Variants in FES observed in about 807,000 individuals in gnomAD.
FES encodes the protein FES proto-oncogene, tyrosine kinase, also known as tyrosine-protein kinase Fes/Fps.
Under a neutral mutation model 109.6 loss-of-function variants are expected in FES, and 83 were observed. That is an observed-to-expected ratio of 0.76 (90% confidence interval 0.63 to 0.91). The LOEUF (loss-of-function observed/expected upper bound fraction) is 0.91, where lower values mean the gene tolerates loss of function less well. FES is among the 40% of genes least tolerant of loss of function. FES has a pLI of 0.00. For missense variants in FES, 943 were observed against 1,070.9 expected (o/e 0.88, Z 1.67); for synonymous variants, 458 against 442.1 (o/e 1.04, Z -0.45).
chr15:90,894,179 G>A, intron 18 of FES, 121 bp downstream of exon 18: 2 of 1,217,848 alleles, frequency 1.6e-6, no homozygotes, highest in South Asian at 1.4e-5. Flanking sequence ...AACCTGGCCA[G>A]TTGCTCACGC....
At chr15:90,885,774 T>C (rs890974959) in intron 3 of FES, among the ~76,000 whole-genome samples, 189 bp downstream of exon 3, 2 of 152,196 alleles carry the variant, frequency 1.3e-5, no homozygotes, top group African/African-American at 4.8e-5. Context: ...CAGCAAGGCC[T>C]CTCTGTGCTT....
intron 18 of FES, among the ~76,000 whole-genome samples, chr15:90,894,564 GAC>G (rs1446837802): frequency 6.6e-6 from 1 of 152,016 alleles, no homozygotes; most frequent in Non-Finnish European, 1.5e-5. Flanking sequence ...CAGCCTGGGC[GAC>G]AAGAGTGAAA....
In FES at chr15:90,890,288, C is replaced by T. The variant is rs767270159; in HGVS notation, c.1236+10C>T. The T allele has an allele frequency of 1.3e-6, 2 of 1,587,948 alleles. No homozygotes were observed. Among genetic ancestry groups the T allele is most frequent in the African/African-American group, 2.7e-5 (2 of 74,618 alleles). On this transcript the variant is annotated intron_variant, in intron 9 of 18. Coordinates refer to ENST00000328850, the MANE Select transcript of FES (RefSeq NM_002005.4). ...CTCCACGTCGTCCTCGGTGAGCTGC[C>T]CCATCCGCGGCCGCTGCCCGCCACC...
At chr15:90,887,414 C>T (rs781261769) in intron 5 of FES, 44 bp downstream of exon 5, 10 of 1,549,914 alleles carry the variant, frequency 6.5e-6, no homozygotes, top group Non-Finnish European at 8.7e-6. Flanking sequence ...CTTGAGCAGC[C>T]CTAAGCCCAG....
At chr15:90,888,084 G>A (rs1408248791) in intron 5 of FES, among the ~76,000 whole-genome samples, 1 of 152,146 alleles carries the variant, frequency 6.6e-6, no homozygotes, top group African/African-American at 2.4e-5. Context: ...GGCATGATCT[G>A]ACCTCTGTTT....
Position 90,894,171 on chromosome 15 carries a change from C to A in FES, c.2326+113C>A, listed in dbSNP as rs1399720641. On this transcript the variant is annotated intron_variant, in intron 18 of 18. Transcript: ENST00000328850. ...TTCCCACCAGGCAGAATAAGAATAACCTGGCCAGTTGCTCACGCCTGTCAT... is the reference window on the plus strand; with the variant it reads ...TTCCCACCAGGCAGAATAAGAATAAACTGGCCAGTTGCTCACGCCTGTCAT... 3.9e-6 allele frequency: 5 copies of A among 1,297,700 alleles called. No individual in the cohort carries two copies. In the East Asian group the frequency reaches 6.9e-5, roughly 18 times the overall value. 80.4% of individuals were successfully genotyped at this position (1,297,700 alleles called of 1,614,324 possible). A position where few individuals can be genotyped will look rare whatever the true frequency, so the allele number is the denominator to read the frequency against.
In FES at chr15:90,893,777, C is replaced by G. The variant is rs764774064; in HGVS notation, c.2169C>G (p.Pro723=). 6 of 1,604,692 alleles carry G rather than the reference C, an allele frequency of 3.7e-6. No homozygotes were observed. Among genetic ancestry groups the G allele is most frequent in the South Asian group, 1.1e-5 (1 of 90,276 alleles). The stretch of plus-strand genomic sequence containing the variant: ...CCTCAGGGGGCCTCAGACAAGTCCC[C>G]GTGAAGTGGACCGCACCTGAGGCCC... ...YAASGGLRQV[P]VKWTAPEALN... The change falls in exon 17 of 19, where the codon CCC becomes CCG. Residue 723 remains proline (P), a synonymous_variant. Coordinates refer to ENST00000328850, the MANE Select transcript of FES (RefSeq NM_002005.4).
chr15:90,892,217 C>T (rs2033287455), intron 13 of FES, 106 bp downstream of exon 13: 4 of 1,249,864 alleles, frequency 3.2e-6, no homozygotes, highest in Non-Finnish European at 4.6e-6. Context: ...TCTGATTCCC[C>T]ACTTGTACCC....
intron 3 of FES, among the ~76,000 whole-genome samples, chr15:90,886,679 C>T (rs1254444814): frequency 6.6e-6 from 1 of 152,244 alleles, no homozygotes; most frequent in African/African-American, 2.4e-5. Context: ...CGTGTGACTG[C>T]ACAGGCCGTG....
rs932317492 is a variant in FES, at chr15:90,889,025, G to T, written c.669-281G>T. ...CAGGCTGGTCTCGAACTGACCTCAG[G>T]CAATCCACCCGCCTCGACCTCCCAG... On this transcript the variant is annotated intron_variant, in intron 5 of 18. Coordinates refer to ENST00000328850, the MANE Select transcript of FES (RefSeq NM_002005.4). The surrounding 1 kb of genome is among the most constrained non-coding windows in gnomAD (Gnocchi z 6.1). Among the ~76,000 whole-genome samples, 2 of 152,094 alleles carry T rather than the reference G, an allele frequency of 1.3e-5. No individual in the cohort carries two copies. Among genetic ancestry groups the T allele is most frequent in the Non-Finnish European group, 2.9e-5 (2 of 68,024 alleles).
chr15:90,890,336 C>G (rs1292221673), intron 9 of FES, 58 bp downstream of exon 9: 2 of 1,593,282 alleles, frequency 1.3e-6, no homozygotes, highest in African/African-American at 1.3e-5. Flanking sequence ...TGGGGCTGCG[C>G]TCCTCATTTT....
In FES at chr15:90,892,844, A is replaced by G. The variant is rs960069401; in HGVS notation, c.1826+19A>G. 6.2e-7 allele frequency: 1 copy of G among 1,605,764 alleles called. No individual in the cohort carries two copies. Among genetic ancestry groups the G allele is most frequent in the Non-Finnish European group, 8.5e-7 (1 of 1,173,310 alleles). On this transcript the variant is annotated intron_variant, in intron 14 of 18. Coordinates refer to ENST00000328850, the MANE Select transcript of FES (RefSeq NM_002005.4). ...AAGCGAGGTGGGTGATAAACTAATG[A>G]TCACCACGGGTCCCGCATACACAGA...
rs775373099 is a variant in FES at position 90,885,226 on chromosome 15, C to T, written c.181C>T (p.Arg61Trp). Residue 61 changes from arginine to tryptophan, a missense_variant, in exon 2 of 19, where the codon CGG (arginine) becomes TGG (tryptophan). Physicochemically the swap from Arg to Trp is moderately radical, Grantham distance 101. Coordinates refer to ENST00000328850, the MANE Select transcript of FES (RefSeq NM_002005.4). ...CCTGCAGGACAGTGGGGGCCAGAGC[C>T]GGGCCATCAGCCCTGACAGCCCCAT... ...MSLQDSGGQS[R>W]AISPDSPISQ... 2.3e-5 allele frequency: 37 copies of T among 1,613,234 alleles called. No homozygotes were observed. The highest frequency in any genetic ancestry group is 1.6e-4 in the Middle Eastern group (1 of 6,082).
chr15:90,892,916 T>C, intron 14 of FES, 91 bp downstream of exon 14: 1 of 1,436,500 alleles, frequency 7.0e-7, no homozygotes, highest in South Asian at 1.2e-5. Context: ...ACCGTGGTGG[T>C]GTTTAGTCCT....
intron 12 of FES, 118 bp from the exon 13 acceptor site, chr15:90,891,940 A>G (rs1291424407): frequency 7.9e-7 from 1 of 1,263,562 alleles, no homozygotes; most frequent in African/African-American, 1.5e-5. Context: ...TGTGCTCCCC[A>G]CGTGGTCCCA....
chr15:90,886,512 C>G (rs975343067), intron 3 of FES, among the ~76,000 whole-genome samples: 1 of 152,222 alleles, frequency 6.6e-6, no homozygotes, highest in African/African-American at 2.4e-5. Context: ...GAACACTGAT[C>G]TCGGGCTGTC....
rs373882072 is a variant in FES at position 90,889,895 on chromosome 15, C to A, written c.982C>A (p.Gln328Lys). 6.2e-7 allele frequency: 1 copy of A among 1,613,628 alleles called. No individual in the cohort carries two copies. Among genetic ancestry groups the A allele is most frequent in the African/African-American group, 1.3e-5 (1 of 74,942 alleles). The stretch of plus-strand genomic sequence containing the variant: ...GGCCACCGAGATGGTGTTCAGGCGG[C>A]AGGAGATGGTTACGCAGCTGCAACA... The part of the protein sequence containing the change: ...AVATEMVFRR[Q>K]EMVTQLQQEL... The change falls in exon 8 of 19, where the codon CAG becomes AAG. Residue 328 changes from glutamine to lysine, a missense_variant. Gln to Lys is a moderately conservative substitution (Grantham distance 53, BLOSUM62 1). Transcript: ENST00000328850. This position sits in a 1 kb window ranked among gnomAD's most constrained non-coding sequence, Gnocchi z 6.1.
In FES at chr15:90,893,723, C is replaced by G. The variant is rs1234618785; in HGVS notation, c.2115C>G (p.Ser705=). The G allele has an allele frequency of 6.2e-7, 1 of 1,612,038 alleles. No homozygotes were observed. Among genetic ancestry groups the G allele is most frequent in the South Asian group, 1.1e-5 (1 of 90,908 alleles). ...TGAAGATCAGTGACTTTGGGATGTCCCGAGAGGAAGCCGATGGGGTCTATG... is the reference window on the plus strand; with the variant it reads ...TGAAGATCAGTGACTTTGGGATGTCGCGAGAGGAAGCCGATGGGGTCTATG... ...NVLKISDFGM[S]REEADGVYAA... Residue 705 remains serine (S), a synonymous_variant, in exon 17 of 19, where the codon TCC becomes TCG. Transcript: ENST00000328850.
rs148599167 is a variant in FES at position 90,893,949 on chromosome 15, C to T, written c.2217C>T (p.Ser739=). ...CCTCCTCTGCAGGCCGCTACTCCTC[C>T]GAAAGCGACGTGTGGAGCTTTGGCA... ...PEALNYGRYS[S]ESDVWSFGIL... Residue 739 remains serine, a synonymous_variant, in exon 18 of 19, where the codon TCC becomes TCT. Coordinates refer to ENST00000328850, the MANE Select transcript of FES (RefSeq NM_002005.4). 6.8e-6 allele frequency: 11 copies of T among 1,613,592 alleles called. No individual in the cohort carries two copies. Among genetic ancestry groups the T allele is most frequent in the African/African-American group, 6.7e-5 (5 of 74,936 alleles).
Sources: gnomAD v4.1 joint callset for allele counts (sites outside exome capture counted in the v4.1 genomes callset) on GRCh38, gnomAD v4.1.1 for gene constraint, Gnocchi (gnomAD v3.1) non-coding constraint, MANE v1.5 for transcripts, NCBI Gene and HGNC (gene_info 2026-07-23, HGNC 2026-07-21) for gene names.